REEP1: variants seen among roughly 807,000 people sequenced by gnomAD.
REEP1 encodes the protein receptor expression-enhancing protein 1.
In REEP1, 22 loss-of-function variants were observed where a neutral mutation model predicts 40.3. The observed-to-expected ratio is 0.55, with a 90% CI of 0.39 to 0.78. REEP1 has a LOEUF of 0.78. REEP1 is among the 30% of genes least tolerant of loss of function. The pLI is 0.00. For missense variants in REEP1, 280 were observed against 361.1 expected, an observed-to-expected ratio of 0.78 and a Z score of 1.82; for synonymous variants, 116 against 139.2, an observed-to-expected ratio of 0.83 and a Z score of 1.17.
intron 5 of REEP1, among the ~76,000 whole-genome samples, chr2:86,246,035 A>T (rs1156783813): frequency 6.6e-6 from 1 of 152,164 alleles, no homozygotes; most frequent in East Asian, 1.9e-4. Flanking sequence ...AAGTGCTGGG[A>T]TTACAGGCAT....
intron 1 of REEP1, among the ~76,000 whole-genome samples, chr2:86,324,815 C>A (rs1264034534): frequency 6.6e-6 from 1 of 152,168 alleles, no homozygotes; most frequent in African/African-American, 2.4e-5. Flanking sequence ...AGGAAACACA[C>A]AAGAATGCTC....
At chr2:86,282,076 A>T in intron 2 of REEP1, 94 bp downstream of exon 2, 1 of 839,888 alleles carries the variant, frequency 1.2e-6, no homozygotes, top group East Asian at 2.5e-5. Flanking sequence ...CCCTGCTTCC[A>T]GTGCCCATAG....
At chr2:86,305,928 C>T (rs1679459768) in intron 1 of REEP1, among the ~76,000 whole-genome samples, 1 of 152,192 alleles carries the variant, frequency 6.6e-6, no homozygotes, top group African/African-American at 2.4e-5. Context: ...TCTCCTCGGG[C>T]CACTCGCCTG....
At chr2:86,217,692 T>G (rs1426110678) in intron 8 of REEP1, among the ~76,000 whole-genome samples, 3 of 149,106 alleles carry the variant, frequency 2.0e-5, no homozygotes, top group Admixed American at 6.6e-5. Flanking sequence ...TTTCAGATTT[T>G]GGGATGTTTG....
chr2:86,286,758 G>A (rs1036230029), intron 1 of REEP1, among the ~76,000 whole-genome samples: 6 of 152,146 alleles, frequency 3.9e-5, no homozygotes, highest in Non-Finnish European at 7.4e-5. Flanking sequence ...CTGTGGCACT[G>A]CTGTTGCTGA....
intron 8 of REEP1, among the ~76,000 whole-genome samples, chr2:86,218,702 G>C (rs1036557972): frequency 3.9e-5 from 6 of 152,232 alleles, no homozygotes; most frequent in Non-Finnish European, 7.3e-5. Flanking sequence ...GCCCAGGCCA[G>C]ACTCCTCCAG....
At chr2:86,261,219 G>A (rs1312801072) in intron 3 of REEP1, among the ~76,000 whole-genome samples, 1 of 152,172 alleles carries the variant, frequency 6.6e-6, no homozygotes, top group East Asian at 1.9e-4. Context: ...TGGATGGCAG[G>A]AGGTGCTATT....
At position 86,254,704 on chromosome 2, in the gene REEP1, G is replaced by A. The variant is rs766247706; in HGVS notation, c.293C>T (p.Ser98Leu). Residue 98 changes from serine (S) to leucine (L), a missense_variant, in exon 4 of 9, where the codon TCA becomes TTA. Ser to Leu is a moderately radical substitution (Grantham distance 145). Around this residue, in one of 3 missense-constraint regions of REEP1, gnomAD observed 11 missense variants for 38.9 expected, o/e 0.28. Coordinates refer to ENST00000538924, the MANE Select transcript of REEP1 (RefSeq NM_001371279.1). Reference sequence around the variant, plus strand: ...GGCAGCATATATTACCTTTTCTTTTGAAGATAGCGTGGGATGTACAAACTT... The same window carrying A: ...GGCAGCATATATTACCTTTTCTTTTAAAGATAGCGTGGGATGTACAAACTT... ...YRKFVHPTLS[S>L]KEKEIDDCLV... 3.1e-6 allele frequency: 5 copies of A among 1,613,494 alleles called. No individual in the cohort carries two copies. The highest frequency in any genetic ancestry group is 1.7e-5 in the Admixed American group (1 of 60,008).
At chr2:86,305,034 T>C (rs1442770997) in intron 1 of REEP1, among the ~76,000 whole-genome samples, 1 of 152,200 alleles carries the variant, frequency 6.6e-6, no homozygotes, top group Non-Finnish European at 1.5e-5. Flanking sequence ...CTTCATTTTT[T>C]TTTTTTAAGC....
chr2:86,290,802 A>G (rs544347860), intron 1 of REEP1, among the ~76,000 whole-genome samples: 1 of 152,308 alleles, frequency 6.6e-6, no homozygotes, highest in South Asian at 2.1e-4. Context: ...CCTCCGTCTG[A>G]GCACACAGCT....
rs183102114 is a variant in REEP1 at position 86,245,833 on chromosome 2, T to C, written c.417+6124A>G. Among the ~76,000 whole-genome samples the C allele has an allele frequency of 2.1e-3, 326 of 151,842 alleles. 3 individuals carry two copies. Among genetic ancestry groups the C allele is most frequent in the South Asian group, 0.021 (100 of 4,778 alleles). On this transcript the variant is annotated intron_variant, in intron 5 of 8. Coordinates refer to ENST00000538924, the MANE Select transcript of REEP1 (RefSeq NM_001371279.1). Reference sequence around the variant, plus strand: ...AGGCTGGAGTGCAGTGGTGCTATCTTGGCTCACTGCAAGCTCCGCCTCCCT... The same window carrying C: ...AGGCTGGAGTGCAGTGGTGCTATCTCGGCTCACTGCAAGCTCCGCCTCCCT...
chr2:86,235,384 G>A (rs992057932), intron 5 of REEP1, among the ~76,000 whole-genome samples: 4 of 152,150 alleles, frequency 2.6e-5, no homozygotes, highest in Non-Finnish European at 2.9e-5. Context: ...CTGCTCGTGC[G>A]GATTCAATGA....
chr2:86,296,686 G>C (rs1678999688), intron 1 of REEP1, among the ~76,000 whole-genome samples: 1 of 152,090 alleles, frequency 6.6e-6, no homozygotes, highest in Middle Eastern at 3.2e-3. Context: ...GCAAAACCCT[G>C]TCTTTACTAA....
chr2:86,316,572 A>G (rs1680022098), intron 1 of REEP1, among the ~76,000 whole-genome samples: 1 of 125,572 alleles, frequency 8.0e-6, no homozygotes, highest in Non-Finnish European at 1.7e-5. Context: ...AAAAAAAATC[A>G]AAAGGGCCAG....
intron 5 of REEP1, among the ~76,000 whole-genome samples, chr2:86,249,465 C>T (rs6714362): frequency 0.33 from 50,611 of 151,944 alleles, 9,597 homozygotes; most frequent in Middle Eastern, 0.45. Context: ...TGCTTTAACC[C>T]TCATCACCTG....
At chr2:86,232,849 G>C (rs1675108257) in intron 5 of REEP1, 47 bp from the exon 6 acceptor site, 7 of 1,569,326 alleles carry the variant, frequency 4.5e-6, no homozygotes, top group Non-Finnish European at 6.0e-6. Flanking sequence ...CTGCTCCACA[G>C]GTCACACTCG....
intron 5 of REEP1, among the ~76,000 whole-genome samples, chr2:86,236,902 T>C (rs1574012501): frequency 6.6e-6 from 1 of 152,082 alleles, no homozygotes; most frequent in Non-Finnish European, 1.5e-5. Flanking sequence ...GCCTGGCTAA[T>C]TTTTTGTATT....
At chr2:86,257,254 CATAA>C (rs1304258337) in intron 3 of REEP1, among the ~76,000 whole-genome samples, 1 of 152,146 alleles carries the variant, frequency 6.6e-6, no homozygotes, top group Non-Finnish European at 1.5e-5. Context: ...ACACAAGACA[CATAA>C]ATAATCTGTC....
chr2:86,318,652 C>A (rs973168491), intron 1 of REEP1, among the ~76,000 whole-genome samples: 1 of 152,068 alleles, frequency 6.6e-6, no homozygotes, highest in African/African-American at 2.4e-5. Context: ...CTTGCCTTGG[C>A]GTTCCAAAGT....
Sources: gnomAD v4.1 joint callset for allele counts (sites outside exome capture counted in the v4.1 genomes callset) on GRCh38, gnomAD v4.1.1 for gene constraint, gnomAD v4.1.1 regional missense constraint, MANE v1.5 for transcripts, NCBI Gene and HGNC (gene_info 2026-07-23, HGNC 2026-07-21) for gene names.